The following CNTN4 variants were observed in gnomAD, a reference collection of about 807,000 sequenced individuals.
CNTN4 encodes contactin-4.
In CNTN4, 77 loss-of-function variants were observed where a neutral mutation model predicts 122.5. The ratio of observed to expected loss-of-function variants is 0.63; its 90% confidence interval spans 0.52 to 0.76. The LOEUF is 0.76. Ranked by LOEUF, CNTN4 falls within the 30% of genes least tolerant of loss-of-function variation. CNTN4 has a pLI of 0.00. For synonymous variants in CNTN4, 512 were observed against 447.0 expected (o/e 1.15, Z -1.83); for missense variants, 1,256 against 1,259.1 (o/e 1.00, Z 0.04).
intron 2 of CNTN4, among the ~76,000 whole-genome samples, chr3:2,160,440 C>T (rs1441378352): frequency 6.6e-6 from 1 of 152,134 alleles, no homozygotes; most frequent in Non-Finnish European, 1.5e-5. Flanking sequence ...CTTGCTATGA[C>T]TTCTGGCAAG....
At chr3:2,414,756 A>G (rs955136662) in intron 3 of CNTN4, among the ~76,000 whole-genome samples, 4 of 152,168 alleles carry the variant, frequency 2.6e-5, no homozygotes, top group African/African-American at 4.8e-5. Flanking sequence ...ATGGAGAAAG[A>G]AGGAATATTC....
At chr3:2,325,426 A>G (rs2043419835) in intron 2 of CNTN4, among the ~76,000 whole-genome samples, 1 of 152,226 alleles carries the variant, frequency 6.6e-6, no homozygotes, top group South Asian at 2.1e-4. Flanking sequence ...CAATAAACCT[A>G]ATCCATTAAT....
At chr3:2,975,326 T>C (rs4684374) in intron 13 of CNTN4, among the ~76,000 whole-genome samples, 3 of 152,176 alleles carry the variant, frequency 2.0e-5, no homozygotes, top group Admixed American at 1.3e-4. Context: ...CAGGATAGCA[T>C]GGTAGGAAGG....
intron 4 of CNTN4, among the ~76,000 whole-genome samples, chr3:2,579,290 A>G (rs1249379863): frequency 3.9e-5 from 6 of 152,228 alleles, no homozygotes; most frequent in Non-Finnish European, 7.3e-5. Context: ...TGAAAATCCA[A>G]TTATGTGTAC....
chr3:2,348,137 C>G (rs2044474521), intron 3 of CNTN4, among the ~76,000 whole-genome samples: 1 of 152,142 alleles, frequency 6.6e-6, no homozygotes, highest in Non-Finnish European at 1.5e-5. Context: ...AAGAGTGGTT[C>G]TGCTTTTGCT....
At chr3:2,812,553 G>GT (rs963166611) in intron 6 of CNTN4, among the ~76,000 whole-genome samples, 9 of 148,332 alleles carry the variant, frequency 6.1e-5, no homozygotes, top group African/African-American at 1.5e-4. Flanking sequence ...TATCAGGTTT[G>GT]TTTTTTTTGT....
Position 2,739,901 on chromosome 3 carries a change from T to A in CNTN4, c.182+3560T>A, listed in dbSNP as rs187312257. 1.6e-4 allele frequency among the ~76,000 whole-genome samples: 24 copies of A among 152,350 alleles called. No individual in the cohort carries two copies. The East Asian group carries it at 4.4e-3, about 28-fold the overall frequency. On this transcript the variant is annotated intron_variant, in intron 5 of 24. Transcript: ENST00000418658. ...TTTTCTCTGTCTCAACTTCCTGTCCTTGATGGAAAGAACGTTACTTTCCTT... is the reference window on the plus strand; with the variant it reads ...TTTTCTCTGTCTCAACTTCCTGTCCATGATGGAAAGAACGTTACTTTCCTT...
At chr3:2,951,406 G>A (rs112018646) in intron 13 of CNTN4, among the ~76,000 whole-genome samples, 2,707 of 152,296 alleles carry the variant, frequency 0.018, 42 homozygotes, top group Non-Finnish European at 0.022. Flanking sequence ...TAATGCTGCT[G>A]CTCATCTGAC....
intron 4 of CNTN4, among the ~76,000 whole-genome samples, chr3:2,653,250 T>C (rs534709225): frequency 2.0e-5 from 3 of 152,286 alleles, no homozygotes; most frequent in East Asian, 3.9e-4. Flanking sequence ...TTAAGTTATA[T>C]TACATTTCAA....
chr3:2,916,181 CTTTT>C (rs1014765217), intron 12 of CNTN4, among the ~76,000 whole-genome samples: 1 of 151,496 alleles, frequency 6.6e-6, no homozygotes, highest in African/African-American at 2.4e-5. Flanking sequence ...ATGTTATGTA[CTTTT>C]TTTTTCTTTT....
intron 7 of CNTN4, among the ~76,000 whole-genome samples, chr3:2,859,880 A>G (rs1031274546): frequency 2.0e-5 from 3 of 152,154 alleles, no homozygotes; most frequent in Admixed American, 6.5e-5. Flanking sequence ...AAAATGCTCA[A>G]TTTACCCCCA....
At chr3:2,691,812 T>C (rs2085755342) in intron 4 of CNTN4, among the ~76,000 whole-genome samples, 1 of 152,226 alleles carries the variant, frequency 6.6e-6, no homozygotes, top group Non-Finnish European at 1.5e-5. Context: ...TAAACAATTA[T>C]TAGAGCTTTT....
At chr3:2,375,368 C>CT (rs1428879044) in intron 3 of CNTN4, among the ~76,000 whole-genome samples, 1 of 152,144 alleles carries the variant, frequency 6.6e-6, no homozygotes, top group Admixed American at 6.5e-5. Flanking sequence ...CTTTCTTTTT[C>CT]TTTCTTCTTT....
At chr3:2,147,370 T>G (rs1165399780) in intron 2 of CNTN4, among the ~76,000 whole-genome samples, 1 of 151,674 alleles carries the variant, frequency 6.6e-6, no homozygotes, top group Non-Finnish European at 1.5e-5. Context: ...AAAAACAAAT[T>G]AAAAATAGCA....
intron 4 of CNTN4, among the ~76,000 whole-genome samples, chr3:2,726,059 A>G (rs1373002247): frequency 6.6e-6 from 1 of 152,170 alleles, no homozygotes; most frequent in African/African-American, 2.4e-5. Context: ...TCCAGAGCTG[A>G]AACGATGCCA....
chr3:2,888,310 T>TAACCGCA (rs564616814), intron 10 of CNTN4, among the ~76,000 whole-genome samples: 43 of 152,186 alleles, frequency 2.8e-4, no homozygotes, highest in Non-Finnish European at 4.4e-4. Flanking sequence ...GCTCCCTTGC[T>TAACCGCA]AACCGCAATG....
chr3:2,831,598 C>T (rs762556743), intron 7 of CNTN4, among the ~76,000 whole-genome samples: 6 of 152,194 alleles, frequency 3.9e-5, no homozygotes, highest in Non-Finnish European at 7.3e-5. Context: ...CTTTTTCTCC[C>T]ATCATCTGGT....
chr3:3,009,684 C>T (rs909345639), intron 14 of CNTN4, among the ~76,000 whole-genome samples: 15 of 152,148 alleles, frequency 9.9e-5, no homozygotes, highest in Non-Finnish European at 1.8e-4. Flanking sequence ...CTGCCCTCCT[C>T]GGCCTCCCAT....
At chr3:2,978,964 TG>T (rs34973102) in intron 13 of CNTN4, among the ~76,000 whole-genome samples, 69,456 of 152,020 alleles carry the variant, frequency 0.46, 18,809 homozygotes, top group African/African-American at 0.77. Flanking sequence ...AAAGCTAGCT[TG>T]GGGAAAGAAA....
Sources: allele counts gnomAD v4.1 joint callset (sites outside exome capture counted in the v4.1 genomes callset), GRCh38; gene constraint gnomAD v4.1.1; transcripts MANE v1.5; gene names NCBI Gene and HGNC (gene_info 2026-07-23, HGNC 2026-07-21).